Variants in TK2 observed in about 807,000 individuals in gnomAD.
TK2 encodes thymidine kinase 2, mitochondrial.
A neutral mutation model predicts 41.9 loss-of-function variants in TK2; 35 were observed. The observed-to-expected ratio is 0.84, with a 90% confidence interval of 0.64 to 1.11. The LOEUF (loss-of-function observed/expected upper bound fraction) is 1.11. Among genes scored for constraint, TK2 ranks in the 50% least tolerant of loss-of-function variants. TK2 has a pLI of 0.00. For missense variants in TK2, 320 were observed against 351.1 expected, an observed-to-expected ratio of 0.91 and a Z score of 0.71; for synonymous variants, 128 against 129.1, an observed-to-expected ratio of 0.99 and a Z score of 0.06.
chr16:66,517,383 A>G lies in TK2; in HGVS notation c.539-168T>C. 1 of 728,362 alleles carries G rather than the reference A, an allele frequency of 1.4e-6. No individual in the cohort carries two copies. Among genetic ancestry groups the G allele is most frequent in the Non-Finnish European group, 2.5e-6 (1 of 402,190 alleles). The allele number at this position is 728,362 out of a possible 1,614,324, so 45.1% of individuals were successfully genotyped here. ...TCCGCCTCGACTTTCATTCTCTTTCAGTGTCAGCGGCCCCGTGGGGTCGTT... is the reference window on the plus strand; with the variant it reads ...TCCGCCTCGACTTTCATTCTCTTTCGGTGTCAGCGGCCCCGTGGGGTCGTT... On this transcript the variant is annotated intron_variant, in intron 7 of 9. Coordinates refer to ENST00000544898, the MANE Select transcript of TK2 (RefSeq NM_004614.5). The surrounding 1 kb of genome is among the most constrained non-coding windows in gnomAD (Gnocchi z 4.3).
chr16:66,534,490 AT>A (rs1965217279), intron 4 of TK2, among the ~76,000 whole-genome samples: 1 of 152,102 alleles, frequency 6.6e-6, no homozygotes, highest in African/African-American at 2.4e-5. Flanking sequence ...CCAAACCCTT[AT>A]CATGGCCCAC....
rs772476450 is a variant in TK2, at chr16:66,549,939, G to A, written c.123C>T (p.Pro41=). The A allele has an allele frequency of 5.9e-6, 8 of 1,353,094 alleles. No individual in the cohort carries two copies. The South Asian group carries it at 1.2e-4, about 20-fold the overall frequency. The allele number at this position is 1,353,094 out of a possible 1,614,324, so 83.8% of individuals were successfully genotyped here. A position where few individuals can be genotyped will look rare whatever the true frequency, so the allele number is the denominator to read the frequency against. ...PRRVQRRAWP[P]DKEQEKEKKS... ...AGGCGGGACCAAGACGCGCGTTACCGGGAGGCCAGGCCCGGCGCTGCACCC... is the reference window on the plus strand; with the variant it reads ...AGGCGGGACCAAGACGCGCGTTACCAGGAGGCCAGGCCCGGCGCTGCACCC... The change falls in exon 1 of 10, where the codon CCC becomes CCT. Residue 41 remains proline, a splice_region_variant and synonymous_variant. Transcript: ENST00000544898.
At chr16:66,546,179 G>A (rs1046810882) in intron 2 of TK2, among the ~76,000 whole-genome samples, 8 of 151,984 alleles carry the variant, frequency 5.3e-5, no homozygotes, top group African/African-American at 1.9e-4. Context: ...GCAGTAAGTT[G>A]TGATTGTGCC....
At chr16:66,546,968 G>A (rs555111175) in intron 2 of TK2, among the ~76,000 whole-genome samples, 41 of 152,126 alleles carry the variant, frequency 2.7e-4, no homozygotes, top group African/African-American at 9.4e-4. Flanking sequence ...GCCCAGGCTG[G>A]TCTCAGACTC....
At chr16:66,516,886 GA>G (rs1233689413) in intron 8 of TK2, among the ~76,000 whole-genome samples, 1 of 150,248 alleles carries the variant, frequency 6.7e-6, no homozygotes, top group Non-Finnish European at 1.5e-5. Context: ...GAGGGGAGGG[GA>G]ACGCCTCCAA....
intron 6 of TK2, among the ~76,000 whole-genome samples, chr16:66,518,323 T>A (rs1291216543): frequency 1.3e-5 from 2 of 152,108 alleles, no homozygotes; most frequent in Non-Finnish European, 2.9e-5. Flanking sequence ...GGCCAGAAGT[T>A]CAAGATCTGC....
chr16:66,526,955 G>A (rs922600387), intron 6 of TK2, among the ~76,000 whole-genome samples: 9 of 152,150 alleles, frequency 5.9e-5, no homozygotes, highest in African/African-American at 1.9e-4. Flanking sequence ...GCGCAATCTC[G>A]GCTCATTGCA....
At chr16:66,534,494 T>A (rs1044419858) in intron 4 of TK2, among the ~76,000 whole-genome samples, 4 of 152,210 alleles carry the variant, frequency 2.6e-5, no homozygotes, top group Non-Finnish European at 5.9e-5. Flanking sequence ...ACCCTTATCA[T>A]GGCCCACAAG....
At chr16:66,539,602 G>GAA (rs775031607) in intron 3 of TK2, among the ~76,000 whole-genome samples, 51 of 48,974 alleles carry the variant, frequency 1.0e-3, no homozygotes, top group African/African-American at 1.5e-3. Flanking sequence ...CTCCATCTCA[G>GAA]AAAAAAAAAA....
At chr16:66,549,904 G>T in intron 1 of TK2, 34 bp downstream of exon 1, 1 of 1,339,464 alleles carries the variant, frequency 7.5e-7, no homozygotes, top group South Asian at 2.1e-5. Context: ...GGCGCATAGG[G>T]GCTCCTGGGA....
intron 2 of TK2, chr16:66,547,964 G>C (rs757498192): frequency 7.8e-7 from 1 of 1,289,048 alleles, no homozygotes; most frequent in Middle Eastern, 2.1e-4. Context: ...CAGGCACAGT[G>C]GCTCACACTT....
Position 66,541,871 on chromosome 16 carries a change from G to A in TK2, c.231+8C>T. ...CCGCTTCCTTCAAACCTAGCATAGA[G>A]GCTGTACCTCGACGTCTGTCGCGTT... On this transcript the variant is annotated splice_region_variant and intron_variant, in intron 3 of 9. Transcript: ENST00000544898. 1 of 1,614,086 alleles carries A rather than the reference G, an allele frequency of 6.2e-7. No individual in the cohort carries two copies. The highest frequency in any genetic ancestry group is 8.5e-7 in the Non-Finnish European group (1 of 1,179,948).
At chr16:66,542,152 T>C (rs1965476236) in intron 2 of TK2, among the ~76,000 whole-genome samples, 199 bp from the exon 3 acceptor site, 1 of 152,146 alleles carries the variant, frequency 6.6e-6, no homozygotes, top group Admixed American at 6.5e-5. Context: ...CCTCCCTGAG[T>C]GGCAGGCTCA....
chr16:66,517,111 TAACC>T lies in TK2; in HGVS notation c.618+21_618+24del. 4 of 1,610,790 alleles carry T rather than the reference TAACC, an allele frequency of 2.5e-6. No individual in the cohort carries two copies. Among genetic ancestry groups the T allele is most frequent in the Middle Eastern group, 3.3e-4 (2 of 6,048 alleles). Reference sequence around the variant, plus strand: ...CAGAGGTGGTTTCCCAGTTTGTCTTTAACCAAGTCAAAGAGGCCTCTTACCAGCG... The same window carrying T: ...CAGAGGTGGTTTCCCAGTTTGTCTTTAAGTCAAAGAGGCCTCTTACCAGCG... On this transcript the variant is annotated intron_variant, in intron 8 of 9. Coordinates refer to ENST00000544898, the MANE Select transcript of TK2 (RefSeq NM_004614.5). The surrounding 1 kb of genome is among the most constrained non-coding windows in gnomAD (Gnocchi z 4.3).
chr16:66,531,440 C>T lies in TK2; in HGVS notation c.315G>A (p.Trp105Ter). 6.2e-7 allele frequency: 1 copy of T among 1,614,190 alleles called. No homozygotes were observed. The highest frequency in any genetic ancestry group is 1.1e-5 in the South Asian group (1 of 91,080). ...LGLMYHDASR[W>*]GLTLQTYVQL... ...GCACATAAGTCTGTAGCGTAAGACCCCAGCGAGAGGCATCGTGGTACATCA... is the reference window on the plus strand; with the variant it reads ...GCACATAAGTCTGTAGCGTAAGACCTCAGCGAGAGGCATCGTGGTACATCA... The change falls in exon 5 of 10, where the codon TGG becomes TGA. Residue 105 changes from tryptophan to a stop codon, truncating the protein, a stop_gained. Transcript: ENST00000544898. LOFTEE classifies it high-confidence loss of function.
At chr16:66,541,811 C>A in intron 3 of TK2, 68 bp downstream of exon 3, 1 of 1,539,774 alleles carries the variant, frequency 6.5e-7, no homozygotes, top group South Asian at 1.1e-5. Flanking sequence ...CAAGGTTAGT[C>A]CACACCCTCT....
chr16:66,528,921 G>C, intron 6 of TK2, 73 bp downstream of exon 6: 1 of 1,434,922 alleles, frequency 7.0e-7, no homozygotes, highest in Non-Finnish European at 9.8e-7. Flanking sequence ...TCTGTCAATC[G>C]AATAAACAAG....
intron 2 of TK2, among the ~76,000 whole-genome samples, chr16:66,544,825 C>T (rs1429287509): frequency 1.3e-5 from 2 of 152,148 alleles, no homozygotes; most frequent in African/African-American, 2.4e-5. Flanking sequence ...CAGTGGCTCA[C>T]GCCTGTAATC....
At chr16:66,520,070 G>A (rs993584984) in intron 6 of TK2, among the ~76,000 whole-genome samples, 10 of 152,160 alleles carry the variant, frequency 6.6e-5, no homozygotes, top group Non-Finnish European at 8.8e-5. Flanking sequence ...GAGAGTGGAC[G>A]GAGAACAGCA....
Sources: gnomAD v4.1 joint callset for allele counts (sites outside exome capture counted in the v4.1 genomes callset) on GRCh38, gnomAD v4.1.1 for gene constraint, Gnocchi (gnomAD v3.1) non-coding constraint, MANE v1.5 for transcripts, NCBI Gene and HGNC (gene_info 2026-07-23, HGNC 2026-07-21) for gene names.